TOP2B: variants seen among roughly 807,000 people sequenced by gnomAD.
TOP2B encodes DNA topoisomerase 2-beta.
A neutral mutation model predicts 193.5 loss-of-function variants in TOP2B; 51 were observed. The observed-to-expected ratio is 0.26, with a 90% CI of 0.21 to 0.33. The LOEUF (loss-of-function observed/expected upper bound fraction) is 0.33. Among genes scored for constraint, TOP2B ranks in the 10% least tolerant of loss-of-function variants. The pLI is 1.00. For missense variants in TOP2B, 1,378 were observed against 1,909.3 expected (o/e 0.72, Z 5.19); for synonymous variants, 634 against 635.7 (o/e 1.00, Z 0.04).
intron 6 of TOP2B, among the ~76,000 whole-genome samples, chr3:25,636,583 A>G (rs775706327): frequency 6.6e-6 from 1 of 152,058 alleles, no homozygotes; most frequent in Non-Finnish European, 1.5e-5. Flanking sequence ...CCCAGAACCA[A>G]TCCTCCTGAG....
chr3:25,652,412 C>A (rs1367386231), intron 1 of TOP2B, among the ~76,000 whole-genome samples: 2 of 152,120 alleles, frequency 1.3e-5, no homozygotes, highest in African/African-American at 2.4e-5. Context: ...CCAACAAAGA[C>A]CACATGTTAC....
At chr3:25,630,732 TAA>T in intron 11 of TOP2B, 67 bp downstream of exon 11, 1 of 1,363,422 alleles carries the variant, frequency 7.3e-7, no homozygotes, top group South Asian at 1.8e-5. Flanking sequence ...ATGTAGAAAA[TAA>T]AAAAATTCTG....
chr3:25,598,423 C>G lies in TOP2B; in HGVS notation c.4765G>C (p.Asp1589His). 1.9e-6 allele frequency: 3 copies of G among 1,613,298 alleles called. 1 individual carries two copies. The highest frequency in any genetic ancestry group is 2.2e-5 in the South Asian group (2 of 90,970). The change falls in exon 36 of 36, where the codon GAC becomes CAC. Residue 1589 changes from aspartate to histidine, a missense_variant. Asp to His is a moderately conservative substitution (Grantham distance 81). Transcript: ENST00000264331. ...AGAGAAGGTGGCTCAGTAGGGAAGT[C>G]TGAGGGGAAGATGTCCACATCTGAA... ...QDSDVDIFPSDFPTEPPSLPR... is the reference protein window; with the variant it reads ...QDSDVDIFPSHFPTEPPSLPR...
intron 30 of TOP2B, among the ~76,000 whole-genome samples, chr3:25,608,123 C>T (rs1349738515): frequency 1.3e-5 from 2 of 152,164 alleles, no homozygotes; most frequent in Non-Finnish European, 2.9e-5. Flanking sequence ...AAACTTCTAT[C>T]TTCTCTTCAG....
intron 1 of TOP2B, among the ~76,000 whole-genome samples, chr3:25,651,835 A>G (rs1703599437): frequency 6.6e-6 from 1 of 151,930 alleles, no homozygotes; most frequent in South Asian, 2.1e-4. Context: ...ACTGTACTTC[A>G]GCCTGGACAA....
chr3:25,603,568 T>C (rs1702163088), intron 33 of TOP2B, among the ~76,000 whole-genome samples: 2 of 151,966 alleles, frequency 1.3e-5, no homozygotes, highest in African/African-American at 4.8e-5. Flanking sequence ...AAAAGAGAAA[T>C]TATAGGGTCC....
chr3:25,616,205 G>A (rs1702499396), intron 25 of TOP2B, among the ~76,000 whole-genome samples: 1 of 151,632 alleles, frequency 6.6e-6, no homozygotes, highest in South Asian at 2.1e-4. Flanking sequence ...TATAGAAACA[G>A]CTGCAACAAA....
At chr3:25,662,622 C>A (rs935317857) in intron 1 of TOP2B, among the ~76,000 whole-genome samples, 1 of 152,098 alleles carries the variant, frequency 6.6e-6, no homozygotes, top group African/African-American at 2.4e-5. Context: ...CCAAGTTTTG[C>A]TAAATTAGCA....
intron 33 of TOP2B, among the ~76,000 whole-genome samples, chr3:25,602,762 C>G (rs1702141760): frequency 6.6e-6 from 1 of 152,134 alleles, no homozygotes; most frequent in Non-Finnish European, 1.5e-5. Flanking sequence ...ATGGCACTTT[C>G]AATTCTACCA....
rs545252939 is a variant in TOP2B at position 25,623,375 on chromosome 3, T to A, written c.2727+140A>T. The A allele has an allele frequency of 8.0e-6, 6 of 747,714 alleles. No individual in the cohort carries two copies. The African/African-American group carries it at 1.1e-4, about 13-fold the overall frequency. The allele number at this position is 747,714 out of a possible 1,614,324, so 46.3% of individuals were successfully genotyped here. ...TTATACTTTTTACTGTAGGCACATATCAAATTATACCCTAATTAGGTCTTT... is the reference window on the plus strand; with the variant it reads ...TTATACTTTTTACTGTAGGCACATAACAAATTATACCCTAATTAGGTCTTT... On this transcript the variant is annotated intron_variant, in intron 21 of 35. Transcript: ENST00000264331.
At position 25,664,206 on chromosome 3, in the gene TOP2B, C is replaced by A. The variant is rs1006083505; in HGVS notation, c.69+23G>T. On this transcript the variant is annotated intron_variant, in intron 1 of 35. Coordinates refer to ENST00000264331, the MANE Select transcript of TOP2B (RefSeq NM_001330700.2). ...GCGGGCCCGGAACAATGCAGCCGCCCGTCCCGGGGACCAGCCACTTACCAC... is the reference window on the plus strand; with the variant it reads ...GCGGGCCCGGAACAATGCAGCCGCCAGTCCCGGGGACCAGCCACTTACCAC... 9.1e-6 allele frequency: 14 copies of A among 1,538,956 alleles called. No individual in the cohort carries two copies. In the African/African-American group the frequency reaches 1.1e-4, roughly 12 times the overall value.
intron 7 of TOP2B, among the ~76,000 whole-genome samples, chr3:25,634,972 C>T (rs1163681778): frequency 6.6e-6 from 1 of 151,946 alleles, no homozygotes; most frequent in Non-Finnish European, 1.5e-5. Context: ...GTTCACCATG[C>T]ACTCCAAAGA....
intron 30 of TOP2B, 90 bp downstream of exon 30, chr3:25,609,093 G>T: frequency 1.8e-6 from 2 of 1,111,318 alleles, no homozygotes; most frequent in Non-Finnish European, 2.4e-6. Context: ...AATACTAATG[G>T]CTTAGTACTT....
chr3:25,624,973 T>G (rs778750137), intron 18 of TOP2B, 170 bp from the exon 19 acceptor site: 1 of 639,190 alleles, frequency 1.6e-6, no homozygotes, highest in Non-Finnish European at 2.6e-6. Flanking sequence ...TTGTTTGTTT[T>G]TTCCTAGAAA....
chr3:25,630,938 GC>G lies in TOP2B; in HGVS notation c.1267del (p.Ala423ProfsTer7). The G allele has an allele frequency of 6.3e-7, 1 of 1,580,916 alleles. No homozygotes were observed. The highest frequency in any genetic ancestry group is 8.6e-7 in the Non-Finnish European group (1 of 1,168,938). On this transcript the variant is annotated frameshift_variant and splice_region_variant, in exon 11 of 36. Coordinates refer to ENST00000264331, the MANE Select transcript of TOP2B (RefSeq NM_001330700.2). LOFTEE classifies it high-confidence loss of function. ...CQLSEKFFKA[A>X]SNCGIVESIL... ...ACTTTCTACAATGCCACAATTAGAGGCCTAAAAATAAAAGAATAATGGTATA... is the reference window on the plus strand; with the variant it reads ...ACTTTCTACAATGCCACAATTAGAGGCTAAAAATAAAAGAATAATGGTATA...
rs1219011771 is a variant in TOP2B, at chr3:25,615,542, G to A, written c.3396C>T (p.Ser1132=). The part of the protein sequence containing the change: ...DETQNQHDDS[S]SDSGTPSGPD... ...GGCCTGAAGGAGTTCCTGAATCGGA[G>A]GAACTATCATCATGCTGGTTTTGTG... Residue 1132 remains serine (S), a synonymous_variant, in exon 26 of 36, where the codon TCC becomes TCT. Coordinates refer to ENST00000264331, the MANE Select transcript of TOP2B (RefSeq NM_001330700.2). The A allele has an allele frequency of 2.5e-6, 4 of 1,574,190 alleles. No individual in the cohort carries two copies. Among genetic ancestry groups the A allele is most frequent in the Non-Finnish European group, 3.4e-6 (4 of 1,159,834 alleles).
At chr3:25,638,020 A>G in intron 5 of TOP2B, 145 bp downstream of exon 5, 1 of 820,128 alleles carries the variant, frequency 1.2e-6, no homozygotes, top group Non-Finnish European at 1.9e-6. Context: ...AACTATTACC[A>G]AGACAATATT....
chr3:25,603,791 C>T (rs1255695769), intron 33 of TOP2B, among the ~76,000 whole-genome samples: 2 of 152,198 alleles, frequency 1.3e-5, no homozygotes, highest in Non-Finnish European at 2.9e-5. Flanking sequence ...AAACACACAT[C>T]CCACAGTTGG....
intron 28 of TOP2B, among the ~76,000 whole-genome samples, chr3:25,610,628 C>T (rs1433467482): frequency 6.6e-6 from 1 of 152,186 alleles, no homozygotes; most frequent in Non-Finnish European, 1.5e-5. Flanking sequence ...AGAAGAAACA[C>T]ACAGAGGCAT....
Sources: gnomAD v4.1 joint callset for allele counts (sites outside exome capture counted in the v4.1 genomes callset) on GRCh38, gnomAD v4.1.1 for gene constraint, MANE v1.5 for transcripts, NCBI Gene and HGNC (gene_info 2026-07-23, HGNC 2026-07-21) for gene names.